SEPTIN9: variants seen among roughly 807,000 people sequenced by gnomAD.
SEPTIN9 encodes septin-9.
In SEPTIN9, 13 loss-of-function variants were observed where a neutral mutation model predicts 56.6. That is an observed-to-expected ratio of 0.23 (90% CI 0.15 to 0.37). SEPTIN9 has a LOEUF of 0.37. Among genes scored for constraint, SEPTIN9 ranks in the 10% least tolerant of loss-of-function variants. The pLI is 1.00. For missense variants in SEPTIN9, 650 were observed against 823.1 expected (o/e 0.79, Z 2.57); for synonymous variants, 332 against 334.1 (o/e 0.99, Z 0.07).
intron 2 of SEPTIN9, among the ~76,000 whole-genome samples, chr17:77,401,327 A>G (rs1487825798): frequency 2.6e-5 from 4 of 152,138 alleles, no homozygotes; most frequent in Admixed American, 2.6e-4. Flanking sequence ...GATTGGTTAC[A>G]GTTGCGGTCA....
intron 2 of SEPTIN9, among the ~76,000 whole-genome samples, chr17:77,356,018 C>T (rs369063645): frequency 1.3e-5 from 2 of 151,220 alleles, no homozygotes; most frequent in South Asian, 2.1e-4. Context: ...CCAGCTCTTC[C>T]TCCTGTGGTG....
chr17:77,469,403 ACC>A (rs768683512), intron 3 of SEPTIN9: 1 of 152,322 alleles, frequency 6.6e-6, no homozygotes, highest in Non-Finnish European at 1.5e-5. Flanking sequence ...GGCAAGGGTG[ACC>A]CCTGTGTGTT....
At chr17:77,442,591 G>A (rs558992333) in intron 3 of SEPTIN9, among the ~76,000 whole-genome samples, 23 of 151,912 alleles carry the variant, frequency 1.5e-4, no homozygotes, top group African/African-American at 5.6e-4. Flanking sequence ...ACATATTATG[G>A]GCCGGGTGCG....
rs930542642 is a variant in SEPTIN9, at chr17:77,436,523, C to T, written c.721+33820C>T. Reference sequence around the variant, plus strand: ...GGGGGTATCCAGCAAGAGCTCCTTCCCATCCTCCCACTTCCTTTGCCATGG... The same window carrying T: ...GGGGGTATCCAGCAAGAGCTCCTTCTCATCCTCCCACTTCCTTTGCCATGG... On this transcript the variant is annotated intron_variant, in intron 3 of 11. Coordinates refer to ENST00000427177, the MANE Select transcript of SEPTIN9 (RefSeq NM_001113491.2). This position sits in a 1 kb window ranked among gnomAD's most constrained non-coding sequence, Gnocchi z 4.4. Among the ~76,000 whole-genome samples the T allele has an allele frequency of 6.6e-6, 1 of 152,218 alleles. No individual in the cohort carries two copies. Among genetic ancestry groups the T allele is most frequent in the African/African-American group, 2.4e-5 (1 of 41,456 alleles).
intron 2 of SEPTIN9, among the ~76,000 whole-genome samples, chr17:77,311,049 T>A (rs759850450): frequency 6.6e-6 from 1 of 151,960 alleles, no homozygotes; most frequent in Non-Finnish European, 1.5e-5. Flanking sequence ...TAGTTAAGGA[T>A]CTTGAGATGA....
chr17:77,320,377 C>T (rs766012631), intron 2 of SEPTIN9: 29 of 1,592,706 alleles, frequency 1.8e-5, no homozygotes, highest in Non-Finnish European at 2.2e-5. Context: ...CCCCATCGGC[C>T]GCCCCCCACT....
At chr17:77,304,841 G>A (rs750631523) in intron 1 of SEPTIN9, among the ~76,000 whole-genome samples, 3 of 152,138 alleles carry the variant, frequency 2.0e-5, no homozygotes, top group African/African-American at 4.8e-5. Context: ...TATGCAGTGC[G>A]GCTTCCAGTC....
chr17:77,402,362 C>T lies in SEPTIN9; in HGVS notation c.380C>T (p.Pro127Leu), dbSNP rs758106177. ...KQVENAGAIG[P>L]SRFGLKRAEV... ...GTGGAGAACGCCGGGGCCATCGGCC[C>T]GTCCCGGTTCGGGCTCAAGAGGGCC... is the stretch of plus-strand genomic sequence containing the variant. Residue 127 changes from proline (P) to leucine (L), a missense_variant, in exon 3 of 12, where the codon CCG becomes CTG. By Grantham distance (98) the Pro-to-Leu change is moderately conservative (BLOSUM62 -3). Transcript: ENST00000427177. This position sits in a 1 kb window ranked among gnomAD's most constrained non-coding sequence, Gnocchi z 6.6. 12 of 1,612,258 alleles carry T rather than the reference C, an allele frequency of 7.4e-6. No homozygotes were observed. In the South Asian group the frequency reaches 8.8e-5, roughly 12 times the overall value.
At chr17:77,413,498 C>G (rs1000097246) in intron 3 of SEPTIN9, among the ~76,000 whole-genome samples, 4 of 152,218 alleles carry the variant, frequency 2.6e-5, no homozygotes, top group Non-Finnish European at 5.9e-5. Flanking sequence ...GATTGATCAG[C>G]AGAGCACGAT....
rs369276902 is a variant in SEPTIN9 at position 77,475,650 on chromosome 17, G to C, written c.722-6494G>C. 4.1e-5 allele frequency: 66 copies of C among 1,613,842 alleles called. No individual in the cohort carries two copies. In the African/African-American group the frequency reaches 8.4e-4, roughly 21 times the overall value. ...AGGCTGCTCCAGTGTGCATTGTTAC[G>C]AGGCAAAGTAAGGAGACTGCTGGGC... On this transcript the variant is annotated intron_variant, in intron 3 of 11. Transcript: ENST00000427177. This position sits in a 1 kb window ranked among gnomAD's most constrained non-coding sequence, Gnocchi z 4.6.
intron 2 of SEPTIN9, among the ~76,000 whole-genome samples, chr17:77,336,998 G>A (rs955833380): frequency 3.4e-4 from 44 of 128,496 alleles, no homozygotes; most frequent in African/African-American, 1.1e-3. Flanking sequence ...TTTGCCCCCC[G>A]TTTTTTTTTT....
intron 3 of SEPTIN9, among the ~76,000 whole-genome samples, chr17:77,457,973 CA>C (rs1454774761): frequency 6.6e-6 from 1 of 152,234 alleles, no homozygotes; most frequent in African/African-American, 2.4e-5. Flanking sequence ...ACCCACGCGC[CA>C]CCCTAGCTAG....
chr17:77,466,682 C>A, intron 3 of SEPTIN9: 2 of 595,772 alleles, frequency 3.4e-6, no homozygotes, highest in Non-Finnish European at 4.2e-6. Context: ...ACCCTGGGGG[C>A]TCCCTCATTT....
At chr17:77,491,465 T>C (rs985549660) in intron 8 of SEPTIN9, among the ~76,000 whole-genome samples, 5 of 151,240 alleles carry the variant, frequency 3.3e-5, no homozygotes, top group Non-Finnish European at 5.9e-5. Context: ...CCCAAAGTGC[T>C]GGGGTTACAG....
In SEPTIN9 at chr17:77,398,351, C is replaced by T. The variant is rs527657119; in HGVS notation, c.77-3708C>T. 3.8e-3 allele frequency among the ~76,000 whole-genome samples: 572 copies of T among 152,280 alleles called. 3 individuals carry two copies. The highest frequency in any genetic ancestry group is 4.5e-3 in the Non-Finnish European group (303 of 68,010). On this transcript the variant is annotated intron_variant, in intron 2 of 11. Coordinates refer to ENST00000427177, the MANE Select transcript of SEPTIN9 (RefSeq NM_001113491.2). ...AGTAGAGAACATTCAACTCTGTTCC[C>T]GGGGAGCCGGAACACACCCCTCGTA...
intron 4 of SEPTIN9, 85 bp downstream of exon 4, chr17:77,482,420 TCTTCC>T: frequency 1.5e-6 from 2 of 1,370,932 alleles, no homozygotes; most frequent in Non-Finnish European, 2.0e-6. Flanking sequence ...TTGGGCTTGG[TCTTCC>T]CTTCTGTAAA....
rs1478260478 is a variant in SEPTIN9 at position 77,389,115 on chromosome 17, C to T, written c.77-12944C>T. On this transcript the variant is annotated intron_variant, in intron 2 of 11. Coordinates refer to ENST00000427177, the MANE Select transcript of SEPTIN9 (RefSeq NM_001113491.2). This position sits in a 1 kb window ranked among gnomAD's most constrained non-coding sequence, Gnocchi z 4.3. ...CTGGTCCCCGGCAGAGCTTCCCATC[C>T]ATGGGAAGAAGCACCGAGCAGCCTT... Among the ~76,000 whole-genome samples the T allele has an allele frequency of 6.6e-6, 1 of 152,152 alleles. No individual in the cohort carries two copies. Among genetic ancestry groups the T allele is most frequent in the African/African-American group, 2.4e-5 (1 of 41,444 alleles).
chr17:77,341,042 T>C (rs6501949), intron 2 of SEPTIN9, among the ~76,000 whole-genome samples: 117,741 of 152,190 alleles, frequency 0.77, 45,760 homozygotes, highest in East Asian at 0.99. Context: ...CAAACTTTCT[T>C]CATATCAGCA....
At chr17:77,357,164 A>C (rs2034281734) in intron 2 of SEPTIN9, among the ~76,000 whole-genome samples, 1 of 152,142 alleles carries the variant, frequency 6.6e-6, no homozygotes, top group African/African-American at 2.4e-5. Flanking sequence ...CACCTGTGGA[A>C]TCTTCCAGGT....
Sources: gnomAD v4.1 joint callset for allele counts (sites outside exome capture counted in the v4.1 genomes callset) on GRCh38, gnomAD v4.1.1 for gene constraint, Gnocchi (gnomAD v3.1) non-coding constraint, MANE v1.5 for transcripts, NCBI Gene and HGNC (gene_info 2026-07-23, HGNC 2026-07-21) for gene names.